RBFOX1: variants seen among roughly 807,000 people sequenced by gnomAD.
The protein encoded by RBFOX1 is RNA binding fox-1 homolog 1, also known as RNA binding protein fox-1 homolog 1.
RBFOX1 carries 8 observed loss-of-function variants against 57.7 expected under a neutral mutation model. The ratio of observed to expected loss-of-function variants is 0.14; its 90% CI spans 0.08 to 0.25. The LOEUF is 0.25. RBFOX1 is among the 10% of genes least tolerant of loss of function. The pLI is 1.00. For missense variants in RBFOX1, 611 were observed against 548.5 expected, an observed-to-expected ratio of 1.11 and a Z score of -1.14; for synonymous variants, 326 against 222.4, an observed-to-expected ratio of 1.47 and a Z score of -4.15.
intron 1 of RBFOX1, among the ~76,000 whole-genome samples, chr16:5,384,849 C>T (rs955861931): frequency 2.0e-5 from 3 of 152,060 alleles, no homozygotes; most frequent in Admixed American, 1.3e-4. Flanking sequence ...GCATATTCAT[C>T]GTAGTGATTC....
intron 2 of RBFOX1, among the ~76,000 whole-genome samples, chr16:6,498,257 A>AAC (rs1555505562): frequency 2.5e-5 from 2 of 81,032 alleles, no homozygotes; most frequent in Non-Finnish European, 6.2e-5. Flanking sequence ...GTCTCAAAAC[A>AAC]AAAAAAAAAA....
At chr16:7,057,419 A>C (rs1243786157) in intron 4 of RBFOX1, among the ~76,000 whole-genome samples, 1 of 151,958 alleles carries the variant, frequency 6.6e-6, no homozygotes, top group African/African-American at 2.4e-5. Context: ...TTATGGGTCC[A>C]CTCTGGATTT....
rs148896465 is a variant in RBFOX1, at chr16:7,099,457, T to C, written c.27+47359T>C. On this transcript the variant is annotated intron_variant, in intron 4 of 15. Coordinates refer to ENST00000550418, the MANE Select transcript of RBFOX1 (RefSeq NM_018723.4). ...GAACCATATTTAGTGTCTAGCTGAG[T>C]GGTTTGCACTGGTATGTGAGACTTT... 1.8e-4 allele frequency among the ~76,000 whole-genome samples: 28 copies of C among 152,164 alleles called. No homozygotes were observed. In the East Asian group the frequency reaches 4.8e-3, roughly 26 times the overall value.
chr16:7,461,591 G>A (rs1289364052), intron 4 of RBFOX1, among the ~76,000 whole-genome samples: 1 of 152,190 alleles, frequency 6.6e-6, no homozygotes, highest in African/African-American at 2.4e-5. Context: ...GCTCTACGCA[G>A]TATTCCAGGT....
chr16:5,447,362 GTCAA>G (rs1307952692), intron 1 of RBFOX1, among the ~76,000 whole-genome samples: 3 of 127,750 alleles, frequency 2.3e-5, no homozygotes, highest in African/African-American at 1.0e-4. Flanking sequence ...ATCATTCAAT[GTCAA>G]TCAATCAATC....
At chr16:7,253,332 G>C (rs977740870) in intron 4 of RBFOX1, among the ~76,000 whole-genome samples, 4 of 152,164 alleles carry the variant, frequency 2.6e-5, no homozygotes, top group Admixed American at 2.6e-4. Context: ...CAACAAGGAA[G>C]AGCGGAGACA....
At position 6,977,266 on chromosome 16, in the gene RBFOX1, C is replaced by T. The variant is rs572630888; in HGVS notation, c.-15-74791C>T. Among the ~76,000 whole-genome samples, 18 of 150,846 alleles carry T rather than the reference C, an allele frequency of 1.2e-4. No homozygotes were observed. The South Asian group carries it at 3.1e-3, about 26-fold the overall frequency. On this transcript the variant is annotated intron_variant, in intron 3 of 15. Transcript: ENST00000550418. ...AAAGATCTTGGGCAGATTTGCTCTG[C>T]TACAAGGGTTTGTGATAAAGGATTA...
At chr16:7,223,832 T>G (rs2092912705) in intron 4 of RBFOX1, among the ~76,000 whole-genome samples, 1 of 151,994 alleles carries the variant, frequency 6.6e-6, no homozygotes. Context: ...GAGCATTTTT[T>G]TTTTGGTAGA....
intron 4 of RBFOX1, among the ~76,000 whole-genome samples, chr16:5,999,459 C>T (rs1369431408): frequency 1.3e-5 from 2 of 152,070 alleles, no homozygotes; most frequent in East Asian, 3.9e-4. Flanking sequence ...TTTTTTTTAA[C>T]CTCAAATTTC....
intron 4 of RBFOX1, among the ~76,000 whole-genome samples, chr16:7,267,612 T>C (rs1283384229): frequency 6.6e-6 from 1 of 151,392 alleles, no homozygotes; most frequent in Non-Finnish European, 1.5e-5. Context: ...CGTAGTACTT[T>C]GGGAGGCTGA....
intron 3 of RBFOX1, among the ~76,000 whole-genome samples, chr16:6,681,891 A>G (rs944095100): frequency 3.9e-5 from 6 of 152,204 alleles, no homozygotes; most frequent in Admixed American, 3.9e-4. Context: ...CTCTTCTGCT[A>G]TTCTCCAGGA....
At chr16:6,487,685 AAAAAAAAAAAAAAAAAT>A (rs2095520418) in intron 2 of RBFOX1, among the ~76,000 whole-genome samples, 1 of 46,096 alleles carries the variant, frequency 2.2e-5, no homozygotes, top group African/African-American at 1.3e-4. Flanking sequence ...AAAAAAAAAA[AAAAAAAAAAAAAAAAAT>A]ATATATATAT....
At chr16:6,732,570 T>C (rs2068939517) in intron 3 of RBFOX1, among the ~76,000 whole-genome samples, 1 of 152,236 alleles carries the variant, frequency 6.6e-6, no homozygotes, top group African/African-American at 2.4e-5. Context: ...AGGCAGACTT[T>C]CCACCACGAT....
chr16:7,148,150 G>A (rs1422336257), intron 4 of RBFOX1, among the ~76,000 whole-genome samples: 3 of 152,176 alleles, frequency 2.0e-5, no homozygotes, highest in African/African-American at 7.2e-5. Context: ...AAAAAATGCT[G>A]TTCTCAGGGC....
At chr16:6,332,930 C>T (rs137864167) in intron 2 of RBFOX1, among the ~76,000 whole-genome samples, 1 of 152,316 alleles carries the variant, frequency 6.6e-6, no homozygotes, top group African/African-American at 2.4e-5. Flanking sequence ...CCTTACAGAA[C>T]ATGGGCCATT....
chr16:6,867,375 A>T (rs776565021), intron 3 of RBFOX1, among the ~76,000 whole-genome samples: 1 of 151,752 alleles, frequency 6.6e-6, no homozygotes, highest in Non-Finnish European at 1.5e-5. Context: ...CTTTTTAATG[A>T]CCTTTATAAA....
chr16:5,951,089 G>A (rs529325336), intron 4 of RBFOX1, among the ~76,000 whole-genome samples: 2 of 152,220 alleles, frequency 1.3e-5, no homozygotes, highest in East Asian at 3.9e-4. Flanking sequence ...CGATTTGGGG[G>A]CCTCACAGAG....
chr16:7,667,668 T>C (rs1311924029), intron 13 of RBFOX1, among the ~76,000 whole-genome samples: 2 of 111,468 alleles, frequency 1.8e-5, no homozygotes, highest in Middle Eastern at 4.1e-3. Context: ...CTCGAATAGA[T>C]TTAAACCTCT....
chr16:6,351,672 C>T (rs186528904), intron 2 of RBFOX1, among the ~76,000 whole-genome samples: 1 of 151,858 alleles, frequency 6.6e-6, no homozygotes, highest in South Asian at 2.1e-4. Context: ...CCGCTCCCGG[C>T]CTAAGGGAAT....
Sources: gnomAD v4.1 joint callset for allele counts (sites outside exome capture counted in the v4.1 genomes callset) on GRCh38, gnomAD v4.1.1 for gene constraint, MANE v1.5 for transcripts, NCBI Gene and HGNC (gene_info 2026-07-23, HGNC 2026-07-21) for gene names.